LRRC4C: variants seen among roughly 807,000 people sequenced by gnomAD.
The protein encoded by LRRC4C is leucine-rich repeat-containing protein 4C.
Under a neutral mutation model 33.6 loss-of-function variants are expected in LRRC4C, and 5 were observed. That is an observed-to-expected ratio of 0.15 (90% CI 0.08 to 0.31). The LOEUF (loss-of-function observed/expected upper bound fraction) is 0.31, where lower values mean the gene tolerates loss of function less well. Ranked by LOEUF, LRRC4C falls within the 10% of genes least tolerant of loss-of-function variation. LRRC4C has a pLI of 1.00. For missense variants in LRRC4C, 560 were observed against 796.7 expected (o/e 0.70, Z 3.58); for synonymous variants, 329 against 302.0 (o/e 1.09, Z -0.93).
At position 41,076,465 on chromosome 11, in the gene LRRC4C, A is replaced by G. The variant is rs144634004; in HGVS notation, c.-495-142742T>C. 8.2e-3 allele frequency among the ~76,000 whole-genome samples: 1,242 copies of G among 152,330 alleles called. 18 individuals carry two copies. Among genetic ancestry groups the G allele is most frequent in the South Asian group, 0.029 (141 of 4,826 alleles). On this transcript the variant is annotated intron_variant, in intron 1 of 6. Transcript: ENST00000528697. ...AAAGGAGAAGCAAGCACATCTTAAC[A>G]TGGTGGAGCAGGAGAGCGAGAGAGT... is the stretch of plus-strand genomic sequence containing the variant.
At chr11:41,112,946 A>G (rs1158150766) in intron 1 of LRRC4C, among the ~76,000 whole-genome samples, 1 of 152,088 alleles carries the variant, frequency 6.6e-6, no homozygotes, top group East Asian at 1.9e-4. Context: ...ATGACTGTGC[A>G]TGCAGGAATT....
chr11:40,771,572 TATC>T lies in LRRC4C; in HGVS notation c.-406-123297_-406-123295del, dbSNP rs374124032. On this transcript the variant is annotated intron_variant, in intron 2 of 6. Coordinates refer to ENST00000528697, the MANE Select transcript of LRRC4C (RefSeq NM_001258419.2). ...CCCAGAAAATGGGTTTTTGTTGTTT[TATC>T]ATATTATCAGGCTGCAAATTTTCCA... is the stretch of plus-strand genomic sequence containing the variant. 4.4e-3 allele frequency among the ~76,000 whole-genome samples: 676 copies of T among 152,310 alleles called. 4 individuals are homozygous for T. The highest frequency in any genetic ancestry group is 0.016 in the African/African-American group (653 of 41,552).
rs139734305 is a variant in LRRC4C, at chr11:40,168,469, T to G, written c.-95-27616A>C. Among the ~76,000 whole-genome samples, 51 of 152,342 alleles carry G rather than the reference T, an allele frequency of 3.3e-4. 1 individual carries two copies. Among genetic ancestry groups the G allele is most frequent in the African/African-American group, 1.2e-3 (50 of 41,594 alleles). ...CAAGTCAATGAATCCACTTCACATC[T>G]GTGTGGATTGGTCACATTAAATAGA... On this transcript the variant is annotated intron_variant, in intron 5 of 6. Coordinates refer to ENST00000528697, the MANE Select transcript of LRRC4C (RefSeq NM_001258419.2).
At chr11:40,406,169 C>T (rs749933505) in intron 3 of LRRC4C, among the ~76,000 whole-genome samples, 30 of 152,060 alleles carry the variant, frequency 2.0e-4, no homozygotes, top group African/African-American at 4.8e-4. Context: ...GAACATCCAC[C>T]AGACCTTTAA....
rs144518127 is a variant in LRRC4C, at chr11:40,908,350, A to T, written c.-407+25285T>A. Reference sequence around the variant, plus strand: ...TTTCCTTCTTGAATGAAAAATCACTACTCAATAAAATACTAGTTAAGCAAA... The same window carrying T: ...TTTCCTTCTTGAATGAAAAATCACTTCTCAATAAAATACTAGTTAAGCAAA... On this transcript the variant is annotated intron_variant, in intron 2 of 6. Coordinates refer to ENST00000528697, the MANE Select transcript of LRRC4C (RefSeq NM_001258419.2). 1.7e-3 allele frequency among the ~76,000 whole-genome samples: 264 copies of T among 152,242 alleles called. 1 individual carries two copies. The highest frequency in any genetic ancestry group is 5.9e-3 in the African/African-American group (244 of 41,582).
intron 2 of LRRC4C, among the ~76,000 whole-genome samples, chr11:40,725,022 C>T (rs1340314291): frequency 6.6e-6 from 1 of 152,142 alleles, no homozygotes; most frequent in African/African-American, 2.4e-5. Flanking sequence ...CAAGCTGACC[C>T]ATGTAATGCA....
intron 3 of LRRC4C, among the ~76,000 whole-genome samples, chr11:40,392,978 G>GCCCA (rs1565344651): frequency 1.1e-4 from 17 of 152,058 alleles, no homozygotes; most frequent in African/African-American, 3.6e-4. Context: ...CCATTGATAA[G>GCCCA]TGACTCACGA....
intron 1 of LRRC4C, among the ~76,000 whole-genome samples, chr11:41,359,815 G>A (rs751340651): frequency 3.5e-4 from 53 of 152,058 alleles, no homozygotes; most frequent in African/African-American, 1.1e-3. Context: ...CATAGCCTGC[G>A]TGCTTAACCA....
At chr11:40,379,768 T>C (rs528657376) in intron 3 of LRRC4C, among the ~76,000 whole-genome samples, 1 of 152,342 alleles carries the variant, frequency 6.6e-6, no homozygotes, top group Non-Finnish European at 1.5e-5. Context: ...AAAATATTTA[T>C]TTAACACATT....
chr11:40,918,753 TG>T (rs1370272403), intron 2 of LRRC4C, among the ~76,000 whole-genome samples: 3 of 152,158 alleles, frequency 2.0e-5, no homozygotes, highest in Admixed American at 1.3e-4. Flanking sequence ...CAGAGGTAGC[TG>T]GGCCTATAGC....
At chr11:41,069,535 A>G (rs1334277195) in intron 1 of LRRC4C, among the ~76,000 whole-genome samples, 1 of 152,174 alleles carries the variant, frequency 6.6e-6, no homozygotes, top group Non-Finnish European at 1.5e-5. Context: ...CCTCAACACA[A>G]AAACTCTTCA....
At chr11:40,668,804 A>T (rs933305619) in intron 2 of LRRC4C, among the ~76,000 whole-genome samples, 1 of 152,208 alleles carries the variant, frequency 6.6e-6, no homozygotes, top group Non-Finnish European at 1.5e-5. Context: ...CTTCTGATTT[A>T]TATTCGTCCC....
intron 3 of LRRC4C, among the ~76,000 whole-genome samples, chr11:40,539,228 A>G (rs550486410): frequency 6.6e-4 from 100 of 152,322 alleles, no homozygotes; most frequent in African/African-American, 2.4e-3. Flanking sequence ...CTTTCAGACC[A>G]AAGCAAATTA....
intron 5 of LRRC4C, among the ~76,000 whole-genome samples, chr11:40,231,964 G>C (rs990775036): frequency 1.3e-5 from 2 of 152,132 alleles, no homozygotes; most frequent in Admixed American, 6.6e-5. Context: ...CAAGACACTA[G>C]TGGCTAAAAA....
At chr11:40,693,169 TG>T (rs1333148050) in intron 2 of LRRC4C, among the ~76,000 whole-genome samples, 1 of 152,046 alleles carries the variant, frequency 6.6e-6, no homozygotes, top group East Asian at 1.9e-4. Flanking sequence ...AAAGAAAAGT[TG>T]GTTGTGTGGC....
intron 3 of LRRC4C, among the ~76,000 whole-genome samples, chr11:40,599,733 T>C (rs1404861813): frequency 1.3e-5 from 2 of 152,104 alleles, no homozygotes; most frequent in Admixed American, 6.6e-5. Context: ...AATAAATGAA[T>C]GAAGGAATAT....
intron 1 of LRRC4C, among the ~76,000 whole-genome samples, chr11:41,045,028 T>C (rs995822910): frequency 7.9e-5 from 12 of 152,108 alleles, no homozygotes; most frequent in African/African-American, 2.9e-4. Flanking sequence ...TGAATGCTTC[T>C]TGTTATCCAT....
intron 3 of LRRC4C, among the ~76,000 whole-genome samples, chr11:40,524,223 T>C (rs7115544): frequency 0.088 from 13,364 of 152,200 alleles, 1,664 homozygotes; most frequent in African/African-American, 0.28. Context: ...CAATGTCACA[T>C]GCTTTGAGGG....
intron 2 of LRRC4C, among the ~76,000 whole-genome samples, chr11:40,775,795 T>G (rs1358550221): frequency 6.6e-6 from 1 of 152,216 alleles, no homozygotes; most frequent in African/African-American, 2.4e-5. Context: ...TGTTCTTGCT[T>G]GGACTTCCAG....
Sources: gnomAD v4.1 joint callset for allele counts (sites outside exome capture counted in the v4.1 genomes callset) on GRCh38, gnomAD v4.1.1 for gene constraint, MANE v1.5 for transcripts, NCBI Gene and HGNC (gene_info 2026-07-23, HGNC 2026-07-21) for gene names.